ACOXL: variants seen among roughly 807,000 people sequenced by gnomAD.
ACOXL encodes acyl-CoA oxidase like.
A neutral mutation model predicts 71.9 loss-of-function variants in ACOXL; 70 were observed. The observed-to-expected ratio is 0.97, with a 90% confidence interval of 0.80 to 1.19. The LOEUF is 1.19. Ranked by LOEUF, ACOXL falls within the 50% of genes most tolerant of loss-of-function variation. The pLI is 0.00. For missense variants in ACOXL, 703 were observed against 736.3 expected, an observed-to-expected ratio of 0.95 and a Z score of 0.52; for synonymous variants, 253 against 281.6, an observed-to-expected ratio of 0.90 and a Z score of 1.02.
intron 12 of ACOXL, among the ~76,000 whole-genome samples, chr2:110,981,952 G>A (rs1024114638): frequency 2.6e-5 from 4 of 152,254 alleles, no homozygotes; most frequent in Admixed American, 2.0e-4. Flanking sequence ...ACCAGAAAGG[G>A]GAAACCACTT....
At chr2:110,828,291 G>T (rs1274425209) in intron 9 of ACOXL, among the ~76,000 whole-genome samples, 1 of 152,132 alleles carries the variant, frequency 6.6e-6, no homozygotes, top group Non-Finnish European at 1.5e-5. Context: ...ATTGTTAGTA[G>T]ATATTTACAT....
At position 111,029,955 on chromosome 2, in the gene ACOXL, G is replaced by A. The variant is rs191539260; in HGVS notation, c.1282-1672G>A. On this transcript the variant is annotated intron_variant, in intron 14 of 17. Coordinates refer to ENST00000439055, the MANE Select transcript of ACOXL (RefSeq NM_001142807.4). ...TTTCCCACCTGAAGTCCCTTCTTCA[G>A]GCAGGGGTCTGCATTGCACAGCCAG... Among the ~76,000 whole-genome samples the A allele has an allele frequency of 3.9e-4, 59 of 152,170 alleles. 1 individual carries two copies. Among genetic ancestry groups the A allele is most frequent in the Middle Eastern group, 3.4e-3 (1 of 294 alleles).
intron 10 of ACOXL, among the ~76,000 whole-genome samples, chr2:110,849,445 C>A (rs764607049): frequency 3.9e-5 from 6 of 152,072 alleles, no homozygotes; most frequent in East Asian, 1.9e-4. Context: ...CAAGATAATT[C>A]AAAAAATTTT....
intron 10 of ACOXL, among the ~76,000 whole-genome samples, chr2:110,845,001 G>A (rs1691634895): frequency 6.6e-6 from 1 of 152,184 alleles, no homozygotes; most frequent in Non-Finnish European, 1.5e-5. Flanking sequence ...CTATCCTTTA[G>A]TCGATTACTT....
intron 11 of ACOXL, among the ~76,000 whole-genome samples, chr2:110,923,897 T>C (rs1451271660): frequency 1.3e-5 from 2 of 151,412 alleles, no homozygotes; most frequent in African/African-American, 4.9e-5. Flanking sequence ...GAACACACCA[T>C]TGTCATCTAG....
At chr2:111,010,327 AT>A (rs1410824783) in intron 14 of ACOXL, among the ~76,000 whole-genome samples, 1 of 152,204 alleles carries the variant, frequency 6.6e-6, no homozygotes, top group Non-Finnish European at 1.5e-5. Flanking sequence ...TAATAAAAAA[AT>A]AAATGGATGG....
chr2:110,803,135 T>G (rs1686198939), intron 8 of ACOXL, among the ~76,000 whole-genome samples: 1 of 152,214 alleles, frequency 6.6e-6, no homozygotes, highest in African/African-American at 2.4e-5. Flanking sequence ...ATCTTCACAG[T>G]TATCCTGGTG....
At chr2:111,089,636 G>A (rs1452301703) in intron 16 of ACOXL, among the ~76,000 whole-genome samples, 2 of 152,178 alleles carry the variant, frequency 1.3e-5, no homozygotes, top group Non-Finnish European at 1.5e-5. Context: ...ATGTATATAT[G>A]TATGTATGGG....
In ACOXL at chr2:110,801,811, T is replaced by C. The variant is rs1686037897; in HGVS notation, c.620+87T>C. The C allele has an allele frequency of 9.5e-6, 11 of 1,154,244 alleles. No individual in the cohort carries two copies. In the Admixed American group the frequency reaches 1.9e-4, roughly 20 times the overall value. 71.5% of individuals were successfully genotyped at this position (1,154,244 alleles called of 1,614,324 possible). ...GGCTTGGGTCTTGGGTCTCATGGGC[T>C]GCATGTCTGGGCATTCTTCCCCTAA... On this transcript the variant is annotated intron_variant, in intron 8 of 17. Coordinates refer to ENST00000439055, the MANE Select transcript of ACOXL (RefSeq NM_001142807.4).
chr2:110,779,966 AAAATT>A (rs1260275796), intron 2 of ACOXL, among the ~76,000 whole-genome samples: 1 of 152,264 alleles, frequency 6.6e-6, no homozygotes, highest in African/African-American at 2.4e-5. Context: ...GGTCTACAAT[AAAATT>A]AAGAACTGCT....
At chr2:110,913,892 C>G (rs1192996132) in intron 11 of ACOXL, among the ~76,000 whole-genome samples, 1 of 152,082 alleles carries the variant, frequency 6.6e-6, no homozygotes, top group African/African-American at 2.4e-5. Context: ...AGGACACCAC[C>G]AAGCCTGGAG....
chr2:111,113,223 C>T (rs1023655499), intron 17 of ACOXL: 1 of 152,170 alleles, frequency 6.6e-6, no homozygotes, highest in Admixed American at 6.6e-5. Context: ...TGGATTAAAA[C>T]TCTAGTTGCA....
intron 15 of ACOXL, among the ~76,000 whole-genome samples, chr2:111,032,655 G>T (rs1558891886): frequency 6.6e-6 from 1 of 152,096 alleles, no homozygotes; most frequent in African/African-American, 2.4e-5. Flanking sequence ...GGCTGGGTTT[G>T]GTCATACCAC....
intron 9 of ACOXL, among the ~76,000 whole-genome samples, chr2:110,806,214 G>A (rs1381715438): frequency 1.3e-5 from 2 of 152,256 alleles, no homozygotes; most frequent in Non-Finnish European, 2.9e-5. Flanking sequence ...CAGATGGCCT[G>A]TCCTGACCCG....
Position 110,866,779 on chromosome 2 carries a change from A to G in ACOXL, c.788+25374A>G, listed in dbSNP as rs150183439. On this transcript the variant is annotated intron_variant, in intron 10 of 17. Transcript: ENST00000439055. ...CACTCACCAGCTCACCCACCGCCCCATCTCCCCACTCACTCATCCACTGAC... is the reference window on the plus strand; with the variant it reads ...CACTCACCAGCTCACCCACCGCCCCGTCTCCCCACTCACTCATCCACTGAC... 3.8e-3 allele frequency among the ~76,000 whole-genome samples: 571 copies of G among 152,204 alleles called. 10 individuals are homozygous for G. The highest frequency in any genetic ancestry group is 0.013 in the African/African-American group (544 of 41,520).
intron 1 of ACOXL, among the ~76,000 whole-genome samples, chr2:110,750,423 A>G (rs1678775657): frequency 1.3e-5 from 2 of 152,092 alleles, no homozygotes; most frequent in South Asian, 4.2e-4. Flanking sequence ...CCCCTGTCCT[A>G]GAATCAGCCA....
At chr2:110,756,132 CTTTT>C (rs897937353) in intron 1 of ACOXL, among the ~76,000 whole-genome samples, 37 of 148,718 alleles carry the variant, frequency 2.5e-4, no homozygotes, top group Non-Finnish European at 4.2e-4. Flanking sequence ...CTTAAGGCCT[CTTTT>C]TTTTTTCTGA....
intron 9 of ACOXL, among the ~76,000 whole-genome samples, chr2:110,831,726 TCTA>T (rs1689850329): frequency 1.3e-5 from 2 of 152,140 alleles, no homozygotes; most frequent in Non-Finnish European, 2.9e-5. Flanking sequence ...GGCAGGAAGA[TCTA>T]CAAGTAGATC....
intron 15 of ACOXL, among the ~76,000 whole-genome samples, chr2:111,048,499 G>C (rs114631002): frequency 0.026 from 4,024 of 152,282 alleles, 173 homozygotes; most frequent in African/African-American, 0.091. Context: ...CAGGAGGGCA[G>C]TCTGTGACTT....
Sources: allele counts gnomAD v4.1 joint callset (sites outside exome capture counted in the v4.1 genomes callset), GRCh38; gene constraint gnomAD v4.1.1; transcripts MANE v1.5; gene names NCBI Gene and HGNC (gene_info 2026-07-23, HGNC 2026-07-21).